Variants in ZYG11A observed in about 807,000 individuals in gnomAD.
ZYG11A encodes the protein zyg-11 family member A, cell cycle regulator.
Under a neutral mutation model 77.2 loss-of-function variants are expected in ZYG11A, and 62 were observed. That is an observed-to-expected ratio of 0.80 (90% CI 0.65 to 0.99). The LOEUF (loss-of-function observed/expected upper bound fraction) is 0.99, where lower values mean the gene tolerates loss of function less well. Ranked by LOEUF, ZYG11A falls within the 50% of genes least tolerant of loss-of-function variation. The pLI, the probability that ZYG11A is intolerant of heterozygous loss-of-function variation, is 0.00. For missense variants in ZYG11A, 828 were observed against 896.8 expected, an observed-to-expected ratio of 0.92 and a Z score of 0.98; for synonymous variants, 315 against 324.6, an observed-to-expected ratio of 0.97 and a Z score of 0.32.
intron 3 of ZYG11A, among the ~76,000 whole-genome samples, chr1:52,858,083 G>A (rs967267348): frequency 1.3e-5 from 2 of 150,712 alleles, no homozygotes; most frequent in African/African-American, 4.9e-5. Flanking sequence ...CACTGTGCCT[G>A]GCCACACGTG....
chr1:52,885,930 T>C (rs1419429663), intron 12 of ZYG11A, 36 bp downstream of exon 12: 4 of 1,457,660 alleles, frequency 2.7e-6, no homozygotes, highest in Non-Finnish European at 3.7e-6. Flanking sequence ...TTCTTTTTTT[T>C]TTCTTCTTTT....
At chr1:52,855,305 TA>T (rs763223055) in intron 2 of ZYG11A, among the ~76,000 whole-genome samples, 4 of 152,072 alleles carry the variant, frequency 2.6e-5, no homozygotes, top group Non-Finnish European at 5.9e-5. Context: ...TTTTATTATT[TA>T]TTTATTTATA....
chr1:52,863,913 A>T, intron 4 of ZYG11A, 68 bp from the exon 5 acceptor site: 1 of 1,400,332 alleles, frequency 7.1e-7, no homozygotes, highest in South Asian at 1.4e-5. Flanking sequence ...GTGCCAATCA[A>T]AACATGCACA....
intron 1 of ZYG11A, among the ~76,000 whole-genome samples, chr1:52,843,387 G>A (rs569716991): frequency 6.6e-6 from 1 of 152,228 alleles, no homozygotes; most frequent in African/African-American, 2.4e-5. Context: ...CCCAAACGCC[G>A]CAAACCTTGA....
intron 10 of ZYG11A, 37 bp from the exon 11 acceptor site, chr1:52,881,434 C>T (rs910362773): frequency 1.4e-6 from 2 of 1,443,896 alleles, no homozygotes; most frequent in African/African-American, 2.9e-5. Flanking sequence ...CCCCTCCCTT[C>T]TTGTCTCTGG....
intron 1 of ZYG11A, among the ~76,000 whole-genome samples, chr1:52,844,479 G>C (rs962884807): frequency 1.3e-5 from 2 of 151,896 alleles, no homozygotes; most frequent in Admixed American, 6.6e-5. Flanking sequence ...GTCTAGTTCT[G>C]GGTATATCTC....
chr1:52,862,853 A>G (rs1369517783), intron 4 of ZYG11A, among the ~76,000 whole-genome samples: 1 of 151,972 alleles, frequency 6.6e-6, no homozygotes, highest in East Asian at 1.9e-4. Flanking sequence ...ATATGATCTC[A>G]GCCAACTGCA....
intron 4 of ZYG11A, among the ~76,000 whole-genome samples, chr1:52,861,284 A>C (rs932017770): frequency 2.0e-5 from 3 of 152,216 alleles, no homozygotes; most frequent in African/African-American, 7.2e-5. Flanking sequence ...TGTAATTACA[A>C]GTATTAAGAG....
chr1:52,888,824 C>CTT (rs1167665613), intron 13 of ZYG11A, among the ~76,000 whole-genome samples: 2 of 152,156 alleles, frequency 1.3e-5, no homozygotes, highest in African/African-American at 4.8e-5. Flanking sequence ...ACTCCTGTCT[C>CTT]TAAGATAAGA....
At chr1:52,873,441 T>C (rs779271916) in intron 8 of ZYG11A, among the ~76,000 whole-genome samples, 9 of 151,998 alleles carry the variant, frequency 5.9e-5, no homozygotes, top group Non-Finnish European at 1.0e-4. Context: ...GTGGAAGGAG[T>C]AACTGTAGAT....
chr1:52,881,724 T>C, intron 11 of ZYG11A, 59 bp downstream of exon 11: 2 of 1,309,838 alleles, frequency 1.5e-6, no homozygotes, highest in Middle Eastern at 1.9e-4. Flanking sequence ...ACAGAAAATG[T>C]AGTTTCCTAA....
At chr1:52,877,128 C>T (rs1646275114) in intron 8 of ZYG11A, among the ~76,000 whole-genome samples, 1 of 152,064 alleles carries the variant, frequency 6.6e-6, no homozygotes. Flanking sequence ...TCCCCCTCTC[C>T]CCCCAGCCCC....
chr1:52,872,882 CAAAA>C lies in ZYG11A; in HGVS notation c.1543-4786_1543-4783del, dbSNP rs59422649. Among the ~76,000 whole-genome samples, 130 of 112,150 alleles carry C rather than the reference CAAAA, an allele frequency of 1.2e-3. 3 individuals carry two copies. The South Asian group carries it at 0.035, about 30-fold the overall frequency. The allele number at this position is 112,150 out of a possible 152,430, so 73.6% of individuals were successfully genotyped here. A position where few individuals can be genotyped will look rare whatever the true frequency, so the allele number is the denominator to read the frequency against. ...TGGATGACAGAGTGAGACTCTGTCT[CAAAA>C]AAAAAAAAAAAAAGAAAAGAAAAGA... is the stretch of plus-strand genomic sequence containing the variant. On this transcript the variant is annotated intron_variant, in intron 8 of 13. Coordinates refer to ENST00000371528, the MANE Select transcript of ZYG11A (RefSeq NM_001004339.3).
chr1:52,854,443 T>A, intron 1 of ZYG11A, 22 bp from the exon 2 acceptor site: 1 of 1,519,694 alleles, frequency 6.6e-7, no homozygotes, highest in South Asian at 1.3e-5. Context: ...TAACAAAGTT[T>A]GTTTGGGGTT....
At chr1:52,850,573 C>T (rs1237944382) in intron 1 of ZYG11A, among the ~76,000 whole-genome samples, 1 of 152,168 alleles carries the variant, frequency 6.6e-6, no homozygotes, top group East Asian at 1.9e-4. Flanking sequence ...CTGCCTCAGC[C>T]TCCCAAAGTG....
chr1:52,849,316 C>T (rs545746131), intron 1 of ZYG11A, among the ~76,000 whole-genome samples: 1 of 152,218 alleles, frequency 6.6e-6, no homozygotes, highest in South Asian at 2.1e-4. Context: ...GATCTGCCCA[C>T]CTCAGCCTCC....
intron 8 of ZYG11A, among the ~76,000 whole-genome samples, chr1:52,876,842 T>G (rs1557451257): frequency 6.6e-6 from 1 of 152,228 alleles, no homozygotes; most frequent in Non-Finnish European, 1.5e-5. Context: ...TTTATGTATC[T>G]TTTCATCAGC....
intron 1 of ZYG11A, among the ~76,000 whole-genome samples, chr1:52,852,438 A>G (rs1330098747): frequency 6.8e-6 from 1 of 147,090 alleles, no homozygotes; most frequent in African/African-American, 2.5e-5. Flanking sequence ...ATCTTGGCTC[A>G]CTGCACTCTC....
At chr1:52,873,048 G>A (rs935905865) in intron 8 of ZYG11A, among the ~76,000 whole-genome samples, 9 of 152,114 alleles carry the variant, frequency 5.9e-5, no homozygotes, top group East Asian at 1.9e-4. Flanking sequence ...AACACACAGC[G>A]GTGGCTCATG....
Sources: gnomAD v4.1 joint callset for allele counts (sites outside exome capture counted in the v4.1 genomes callset) on GRCh38, gnomAD v4.1.1 for gene constraint, MANE v1.5 for transcripts, NCBI Gene and HGNC (gene_info 2026-07-23, HGNC 2026-07-21) for gene names.